ZNF609: variants seen among roughly 807,000 people sequenced by gnomAD.
The protein encoded by ZNF609 is zinc finger protein 609.
Under a neutral mutation model 109.5 loss-of-function variants are expected in ZNF609, and 11 were observed. The ratio of observed to expected loss-of-function variants is 0.10; its 90% CI spans 0.06 to 0.17. The LOEUF (loss-of-function observed/expected upper bound fraction) is 0.17. Among genes scored for constraint, ZNF609 ranks in the 10% least tolerant of loss-of-function variants. The probability of loss-of-function intolerance (pLI) is 1.00; values close to 1 mark genes in which losing one functional copy is unlikely to be tolerated. For missense variants in ZNF609, 1,559 were observed against 1,772.4 expected (o/e 0.88, Z 2.16); for synonymous variants, 646 against 662.0 (o/e 0.98, Z 0.37).
intron 2 of ZNF609, among the ~76,000 whole-genome samples, chr15:64,508,327 G>T (rs1430593624): frequency 6.6e-6 from 1 of 152,170 alleles, no homozygotes; most frequent in Non-Finnish European, 1.5e-5. Flanking sequence ...GCAGTAAGAA[G>T]TTCTTAGCAA....
At chr15:64,577,053 TATAC>T (rs1234360893) in intron 2 of ZNF609, among the ~76,000 whole-genome samples, 1,186 of 28,302 alleles carry the variant, frequency 0.042, 87 homozygotes, top group East Asian at 0.24. Context: ...CACATAAATA[TATAC>T]ATATATGTAT....
intron 2 of ZNF609, among the ~76,000 whole-genome samples, chr15:64,557,220 CA>C (rs1266421502): frequency 6.7e-6 from 1 of 148,418 alleles, no homozygotes; most frequent in Non-Finnish European, 1.5e-5. Context: ...CTTCTGATAC[CA>C]AAAAAATGTG....
chr15:64,524,563 C>CA (rs539781729), intron 2 of ZNF609, among the ~76,000 whole-genome samples: 232 of 99,822 alleles, frequency 2.3e-3, no homozygotes, highest in Middle Eastern at 0.02. Context: ...GACTCCATCT[C>CA]AAAAAAAAAA....
intron 1 of ZNF609, among the ~76,000 whole-genome samples, chr15:64,468,486 A>C (rs1290534078): frequency 2.6e-5 from 4 of 151,850 alleles, no homozygotes; most frequent in African/African-American, 9.7e-5. Flanking sequence ...TCCTGGGCTC[A>C]AGCCATCCTC....
At chr15:64,663,927 C>T (rs531001276) in intron 3 of ZNF609, among the ~76,000 whole-genome samples, 1 of 152,144 alleles carries the variant, frequency 6.6e-6, no homozygotes, top group Non-Finnish European at 1.5e-5. Flanking sequence ...GCATTTCACT[C>T]CTAAGAACTG....
At chr15:64,567,257 G>A (rs991353612) in intron 2 of ZNF609, among the ~76,000 whole-genome samples, 17 of 152,076 alleles carry the variant, frequency 1.1e-4, no homozygotes, top group Admixed American at 8.5e-4. Context: ...AGGCCGAGGC[G>A]TGTGGATCAT....
At chr15:64,562,074 T>A (rs1397051166) in intron 2 of ZNF609, among the ~76,000 whole-genome samples, 3 of 152,230 alleles carry the variant, frequency 2.0e-5, no homozygotes, top group Non-Finnish European at 4.4e-5. Flanking sequence ...TTTATAAATC[T>A]CCAAACTTCA....
intron 3 of ZNF609, among the ~76,000 whole-genome samples, chr15:64,661,436 G>T (rs55909141): frequency 9.2e-5 from 14 of 152,156 alleles, no homozygotes; most frequent in Non-Finnish European, 1.6e-4. Context: ...ATGAATGAAA[G>T]CATGTATGTG....
chr15:64,536,551 C>T (rs981572613), intron 2 of ZNF609, among the ~76,000 whole-genome samples: 2 of 152,020 alleles, frequency 1.3e-5, no homozygotes, highest in African/African-American at 2.4e-5. Flanking sequence ...TAAAGAAGTG[C>T]ACCATCTAAC....
intron 1 of ZNF609, among the ~76,000 whole-genome samples, chr15:64,480,929 G>A (rs774156482): frequency 2.0e-5 from 3 of 152,108 alleles, no homozygotes; most frequent in Non-Finnish European, 4.4e-5. Flanking sequence ...AGCTACTCCC[G>A]ACAATTGGCA....
intron 2 of ZNF609, among the ~76,000 whole-genome samples, chr15:64,591,634 TTTGGGAGGCTGAGGTGGGTAGATCGC>T (rs1895299160): frequency 6.6e-6 from 1 of 151,986 alleles, no homozygotes; most frequent in Non-Finnish European, 1.5e-5. Flanking sequence ...ATCCCAGCAC[TTTGGGAGGCTGAGGTGGGTAGATCGC>T]TTGAGCCCAT....
At chr15:64,529,429 C>G in intron 2 of ZNF609, 1 of 819,870 alleles carries the variant, frequency 1.2e-6, no homozygotes, top group Non-Finnish European at 2.1e-6. Context: ...TTGGAGGGAT[C>G]TTGGTCCTGG....
At chr15:64,467,713 C>T (rs1232284566) in intron 1 of ZNF609, among the ~76,000 whole-genome samples, 3 of 152,058 alleles carry the variant, frequency 2.0e-5, no homozygotes, top group South Asian at 2.1e-4. Context: ...GGCATGGTGG[C>T]GCACGTCTGT....
Position 64,675,250 on chromosome 15 carries a change from C to T in ZNF609, c.2396C>T (p.Thr799Met), listed in dbSNP as rs775339274. The T allele has an allele frequency of 3.7e-5, 59 of 1,613,942 alleles. 1 individual carries two copies. In the South Asian group the frequency reaches 5.3e-4, roughly 14 times the overall value. Residue 799 changes from threonine (T) to methionine (M), a missense_variant, in exon 5 of 10, where the codon ACG (threonine) becomes ATG (methionine). Physicochemically the swap from Thr to Met is moderately conservative, Grantham distance 81. Transcript: ENST00000326648. Reference protein sequence around the residue: ...KAEADKIYSFTDNAPSPSIGG... With the variant: ...KAEADKIYSFMDNAPSPSIGG... Reference sequence around the variant, plus strand: ...GAAGCCGACAAGATCTACAGTTTCACGGACAATGCCCCCAGCCCTTCCATT... The same window carrying T: ...GAAGCCGACAAGATCTACAGTTTCATGGACAATGCCCCCAGCCCTTCCATT...
intron 2 of ZNF609, among the ~76,000 whole-genome samples, chr15:64,527,148 A>G (rs1893977720): frequency 6.6e-6 from 1 of 151,094 alleles, no homozygotes; most frequent in African/African-American, 2.4e-5. Context: ...AACATTGGAA[A>G]TTCTGTTTAA....
intron 1 of ZNF609, among the ~76,000 whole-genome samples, chr15:64,484,483 C>T (rs1030815534): frequency 4.6e-5 from 7 of 151,950 alleles, no homozygotes; most frequent in African/African-American, 1.7e-4. Flanking sequence ...CCGGGCCAGC[C>T]TGGCCAACAT....
chr15:64,575,095 T>C (rs577421247), intron 2 of ZNF609, among the ~76,000 whole-genome samples: 43 of 152,288 alleles, frequency 2.8e-4, no homozygotes, highest in African/African-American at 9.9e-4. Flanking sequence ...TGCTTTTCAT[T>C]TTTAACTAAG....
Position 64,518,620 on chromosome 15 carries a change from T to C in ZNF609, c.747+18454T>C, listed in dbSNP as rs561531934. 7.9e-5 allele frequency among the ~76,000 whole-genome samples: 12 copies of C among 152,252 alleles called. No homozygotes were observed. The East Asian group carries it at 1.2e-3, about 15-fold the overall frequency. Reference sequence around the variant, plus strand: ...CTGCAGAGTGGATTGGAGAACAAGATTGGAGGCATTTAGGAAGCTGTTAGC... The same window carrying C: ...CTGCAGAGTGGATTGGAGAACAAGACTGGAGGCATTTAGGAAGCTGTTAGC... On this transcript the variant is annotated intron_variant, in intron 2 of 9. Coordinates refer to ENST00000326648, the MANE Select transcript of ZNF609 (RefSeq NM_015042.2).
chr15:64,591,789 C>T (rs945481546), intron 2 of ZNF609, among the ~76,000 whole-genome samples: 2 of 151,600 alleles, frequency 1.3e-5, no homozygotes, highest in Non-Finnish European at 2.9e-5. Flanking sequence ...GGCACGATCT[C>T]GACCTACCGT....
Sources: gnomAD v4.1 joint callset for allele counts (sites outside exome capture counted in the v4.1 genomes callset) on GRCh38, gnomAD v4.1.1 for gene constraint, MANE v1.5 for transcripts, NCBI Gene and HGNC (gene_info 2026-07-23, HGNC 2026-07-21) for gene names.